The following TRA2B variants were observed in gnomAD, a reference collection of about 807,000 sequenced individuals.
TRA2B encodes transformer 2 beta homolog, also known as transformer-2 protein homolog beta.
TRA2B carries 14 observed loss-of-function variants against 41.7 expected under a neutral mutation model. The observed-to-expected ratio is 0.34, with a 90% CI of 0.22 to 0.53. TRA2B has a LOEUF of 0.53. Ranked by LOEUF, TRA2B falls within the 20% of genes least tolerant of loss-of-function variation. The pLI is 0.95. For missense variants in TRA2B, 167 were observed against 396.8 expected (o/e 0.42, Z 4.92); for synonymous variants, 130 against 128.8 (o/e 1.01, Z -0.06).
intron 1 of TRA2B, chr3:185,926,987 G>C: frequency 7.6e-6 from 3 of 393,630 alleles, no homozygotes; most frequent in East Asian, 5.4e-5. Context: ...CCTTCAGAAA[G>C]GGGTGCCAAA....
intron 1 of TRA2B, chr3:185,928,428 G>C (rs766688700): frequency 6.6e-6 from 1 of 152,108 alleles, no homozygotes; most frequent in Non-Finnish European, 1.5e-5. Flanking sequence ...AAAAATATAT[G>C]AACAGCTGCC....
At chr3:185,924,134 G>A (rs918156737) in intron 3 of TRA2B, 150 bp from the exon 4 acceptor site, 2 of 573,988 alleles carry the variant, frequency 3.5e-6, no homozygotes, top group Non-Finnish European at 5.5e-6. Flanking sequence ...CAAAATTACA[G>A]CAAGTACTAC....
chr3:185,918,755 T>A (rs1743601412), intron 7 of TRA2B, among the ~76,000 whole-genome samples: 1 of 152,084 alleles, frequency 6.6e-6, no homozygotes, highest in African/African-American at 2.4e-5. Context: ...ACGCCTATAA[T>A]CCCAGCACTT....
chr3:185,934,815 T>A (rs1578488319), intron 1 of TRA2B: 3 of 985,462 alleles, frequency 3.0e-6, no homozygotes, highest in African/African-American at 1.7e-5. Flanking sequence ...GATGCTGCTA[T>A]TCATCTCTAA....
chr3:185,919,094 C>T (rs1009287005), intron 7 of TRA2B, among the ~76,000 whole-genome samples: 3 of 152,144 alleles, frequency 2.0e-5, no homozygotes, highest in African/African-American at 7.2e-5. Context: ...GTTAAAAAGG[C>T]TGGCTTGAAT....
chr3:185,917,589 C>CGTAA lies in TRA2B; in HGVS notation c.*122_*125dup. ...TTTCAACTCCACCAAAAGTAGTCAT[C>CGTAA]GTAAAAGGTGTAAAAGTCACCTAAC... is the stretch of plus-strand genomic sequence containing the variant. On this transcript the variant is annotated 3_prime_UTR_variant, in exon 9 of 9. Transcript: ENST00000453386. 1.1e-6 allele frequency: 1 copy of CGTAA among 905,316 alleles called. No individual in the cohort carries two copies. The highest frequency in any genetic ancestry group is 1.7e-6 in the Non-Finnish European group (1 of 592,022). The allele number at this position is 905,316 out of a possible 1,614,324, so 56.1% of individuals were successfully genotyped here.
chr3:185,932,490 G>C (rs1199552020), intron 1 of TRA2B, among the ~76,000 whole-genome samples: 1 of 152,066 alleles, frequency 6.6e-6, no homozygotes, highest in Non-Finnish European at 1.5e-5. Context: ...ACAAAATCAA[G>C]TCAACCACCT....
chr3:185,937,343 TG>T (rs1360211104), intron 1 of TRA2B: 4 of 991,476 alleles, frequency 4.0e-6, no homozygotes, highest in Non-Finnish European at 4.8e-6. Flanking sequence ...GAACGTCGTC[TG>T]TCCCCTTGCA....
rs967722981 is a variant in TRA2B at position 185,936,831 on chromosome 3, C to T, written c.36+994G>A. On this transcript the variant is annotated intron_variant, in intron 1 of 8. Transcript: ENST00000453386. The stretch of plus-strand genomic sequence containing the variant: ...GCTTTCCGAATCCAATACCCAGAGC[C>T]CCACAGACCAGCTACGTATGCTGTT... 31 of 985,260 alleles carry T rather than the reference C, an allele frequency of 3.1e-5. 1 individual carries two copies. The highest frequency in any genetic ancestry group is 1.0e-3 in the Middle Eastern group (2 of 1,936). 61.0% of individuals were successfully genotyped at this position (985,260 alleles called of 1,614,324 possible).
intron 5 of TRA2B, 32 bp from the exon 6 acceptor site, chr3:185,921,219 C>T (rs1424494100): frequency 6.3e-7 from 1 of 1,595,374 alleles, no homozygotes; most frequent in Non-Finnish European, 8.6e-7. Context: ...GGTGACCTCC[C>T]TTATCTTTCT....
chr3:185,934,635 G>A (rs1335070552), intron 1 of TRA2B: 1 of 985,256 alleles, frequency 1.0e-6, no homozygotes, highest in African/African-American at 1.7e-5. Flanking sequence ...AATTTGGTGA[G>A]ATGGCTGCAA....
At position 185,914,634 on chromosome 3, in the gene TRA2B, C is replaced by T. The variant is rs944113476; in HGVS notation, c.*3081G>A. Among the ~76,000 whole-genome samples the T allele has an allele frequency of 4.6e-5, 7 of 152,070 alleles. No homozygotes were observed. The highest frequency in any genetic ancestry group is 1.4e-4 in the African/African-American group (6 of 41,468). ...ATCCTTTACACTATATACAATAATC[C>T]TTTACATTACTGTAGTAGCATTCTG... On this transcript the variant is annotated 3_prime_UTR_variant, in exon 9 of 9. Transcript: ENST00000453386.
rs543259712 is a variant in TRA2B at position 185,937,915 on chromosome 3, T to C, written c.-55A>G. 83 of 1,609,074 alleles carry C rather than the reference T, an allele frequency of 5.2e-5. No homozygotes were observed. The African/African-American group carries it at 8.0e-4, about 16-fold the overall frequency. On this transcript the variant is annotated 5_prime_UTR_variant, in exon 1 of 9. Coordinates refer to ENST00000453386, the MANE Select transcript of TRA2B (RefSeq NM_004593.3). ...GCTTCAATCGAAGCTGCCAACCTCTTGCACCTTCCTTAAGGAGGCTCCGCC... is the reference window on the plus strand; with the variant it reads ...GCTTCAATCGAAGCTGCCAACCTCTCGCACCTTCCTTAAGGAGGCTCCGCC...
At chr3:185,920,940 TGATTA>T (rs1290526147) in intron 6 of TRA2B, among the ~76,000 whole-genome samples, 159 bp downstream of exon 6, 27 of 136,222 alleles carry the variant, frequency 2.0e-4, no homozygotes, top group African/African-American at 7.1e-4. Flanking sequence ...CACATTAAAT[TGATTA>T]AGACACAGAA....
chr3:185,935,918 A>G, intron 1 of TRA2B: 1 of 985,456 alleles, frequency 1.0e-6, no homozygotes, highest in Non-Finnish European at 1.2e-6. Flanking sequence ...TCAATTTTTA[A>G]CACATTAAGT....
chr3:185,936,552 T>C, intron 1 of TRA2B: 1 of 985,466 alleles, frequency 1.0e-6, no homozygotes, highest in Non-Finnish European at 1.2e-6. Context: ...TAAAATACTC[T>C]GAGGAATCAT....
intron 1 of TRA2B, chr3:185,936,720 A>G (rs1744373992): frequency 1.0e-6 from 1 of 985,016 alleles, no homozygotes; most frequent in Admixed American, 6.2e-5. Context: ...ACAGCCTCAA[A>G]AATCAATTTC....
At chr3:185,917,810 T>A in intron 8 of TRA2B, 85 bp from the exon 9 acceptor site, 1 of 1,462,038 alleles carries the variant, frequency 6.8e-7, no homozygotes, top group Non-Finnish European at 9.5e-7. Flanking sequence ...CAGAATATTC[T>A]GCCATTAAGA....
intron 3 of TRA2B, chr3:185,924,498 A>T (rs1162127942): frequency 1.3e-5 from 2 of 152,884 alleles, no homozygotes; most frequent in African/African-American, 4.8e-5. Flanking sequence ...TACAGGTCAT[A>T]AACAGCTTGC....
Sources: allele counts gnomAD v4.1 joint callset (sites outside exome capture counted in the v4.1 genomes callset), GRCh38; gene constraint gnomAD v4.1.1; transcripts MANE v1.5; gene names NCBI Gene and HGNC (gene_info 2026-07-23, HGNC 2026-07-21).